IGFBPL1: variants seen among roughly 807,000 people sequenced by gnomAD.
The protein encoded by IGFBPL1 is insulin like growth factor binding protein like 1.
A neutral mutation model predicts 23.9 loss-of-function variants in IGFBPL1; 20 were observed. That is an observed-to-expected ratio of 0.84 (90% CI 0.59 to 1.22). The LOEUF (loss-of-function observed/expected upper bound fraction) is 1.22, where lower values mean the gene tolerates loss of function less well. Ranked by LOEUF, IGFBPL1 falls within the 50% of genes most tolerant of loss-of-function variation. The pLI, the probability that IGFBPL1 is intolerant of heterozygous loss-of-function variation, is 0.00. For missense variants in IGFBPL1, 436 were observed against 379.3 expected (o/e 1.15, Z -1.24); for synonymous variants, 184 against 171.8 (o/e 1.07, Z -0.56).
At chr9:38,423,566 T>TACTTCCCTTCCTCCCCCAACCTCA (rs1299280849) in intron 1 of IGFBPL1, among the ~76,000 whole-genome samples, 43 of 151,154 alleles carry the variant, frequency 2.8e-4, no homozygotes, top group African/African-American at 6.1e-4. Context: ...CCCTATCCTC[T>TACTTCCCTTCCTCCCCCAACCTCA]ACTTCCCTTC....
chr9:38,410,710 G>A (rs1297569731), intron 4 of IGFBPL1, among the ~76,000 whole-genome samples: 2 of 152,206 alleles, frequency 1.3e-5, no homozygotes, highest in African/African-American at 2.4e-5. Context: ...GTCTGTGGCT[G>A]TGAACCAGCA....
intron 1 of IGFBPL1, among the ~76,000 whole-genome samples, chr9:38,423,709 C>G (rs1212978936): frequency 6.6e-6 from 1 of 152,186 alleles, no homozygotes; most frequent in Non-Finnish European, 1.5e-5. Flanking sequence ...AAATAAGTGA[C>G]TGCATCAGCA....
chr9:38,416,999 C>A (rs988837578), intron 1 of IGFBPL1, among the ~76,000 whole-genome samples: 1 of 152,112 alleles, frequency 6.6e-6, no homozygotes, highest in Non-Finnish European at 1.5e-5. Flanking sequence ...TTAATTTTAA[C>A]ATATTTTAAC....
At chr9:38,422,527 T>C (rs1821694115) in intron 1 of IGFBPL1, among the ~76,000 whole-genome samples, 2 of 152,190 alleles carry the variant, frequency 1.3e-5, no homozygotes, top group African/African-American at 4.8e-5. Flanking sequence ...ACTGTTTAAG[T>C]GCCACAGGGC....
intron 1 of IGFBPL1, among the ~76,000 whole-genome samples, chr9:38,419,185 G>T (rs1821639541): frequency 6.6e-6 from 1 of 151,954 alleles, no homozygotes; most frequent in Non-Finnish European, 1.5e-5. Flanking sequence ...ATGGTGCTAG[G>T]GAAAGAAAGG....
intron 1 of IGFBPL1, among the ~76,000 whole-genome samples, chr9:38,423,064 C>A (rs1171675355): frequency 6.6e-6 from 1 of 152,174 alleles, no homozygotes; most frequent in Non-Finnish European, 1.5e-5. Context: ...CTGCCCACTC[C>A]AGGCAAAGTA....
intron 1 of IGFBPL1, among the ~76,000 whole-genome samples, chr9:38,423,502 T>TGA (rs1309668650): frequency 6.6e-6 from 1 of 152,086 alleles, no homozygotes; most frequent in Non-Finnish European, 1.5e-5. Context: ...TGGTGACTAC[T>TGA]GATTCCCCAG....
At chr9:38,412,830 G>A (rs909119937) in intron 3 of IGFBPL1, among the ~76,000 whole-genome samples, 2 of 152,034 alleles carry the variant, frequency 1.3e-5, no homozygotes, top group South Asian at 2.1e-4. Flanking sequence ...TCCTCACATC[G>A]AATCACTTCA....
intron 1 of IGFBPL1, among the ~76,000 whole-genome samples, chr9:38,418,021 A>G (rs1371468074): frequency 6.6e-6 from 1 of 152,192 alleles, no homozygotes; most frequent in Non-Finnish European, 1.5e-5. Flanking sequence ...GGCCTTTCTG[A>G]GGATATGGTC....
intron 4 of IGFBPL1, 51 bp downstream of exon 4, chr9:38,411,340 A>C (rs1008587550): frequency 1.3e-6 from 2 of 1,498,792 alleles, no homozygotes; most frequent in Non-Finnish European, 1.8e-6. Flanking sequence ...AGCCACCTCA[A>C]ATATCTCATA....
intron 4 of IGFBPL1, among the ~76,000 whole-genome samples, chr9:38,409,625 C>G (rs1290920446): frequency 6.6e-6 from 1 of 152,134 alleles, no homozygotes; most frequent in African/African-American, 2.4e-5. Context: ...AACCCAGAAT[C>G]ATTTCTGCCT....
chr9:38,419,102 G>A (rs552139015), intron 1 of IGFBPL1, among the ~76,000 whole-genome samples: 2 of 152,030 alleles, frequency 1.3e-5, no homozygotes, highest in African/African-American at 2.4e-5. Flanking sequence ...CCCCTACCTC[G>A]TCAATTATAT....
At chr9:38,416,590 A>C (rs1436802034) in intron 1 of IGFBPL1, among the ~76,000 whole-genome samples, 1 of 152,194 alleles carries the variant, frequency 6.6e-6, no homozygotes, top group East Asian at 1.9e-4. Context: ...ACAGTCATGT[A>C]ATTACCACTA....
At chr9:38,423,115 T>C (rs1232670433) in intron 1 of IGFBPL1, among the ~76,000 whole-genome samples, 1 of 152,194 alleles carries the variant, frequency 6.6e-6, no homozygotes, top group Non-Finnish European at 1.5e-5. Context: ...AATACACTCA[T>C]GCTTAGGAAG....
In IGFBPL1 at chr9:38,408,226, C is replaced by T. The variant is rs1021198748; in HGVS notation, c.*1001G>A. ...CATAGGAATTTGAGACCAGCCTGGG[C>T]GGCAACATAGGGAGACCCTGTCTCT... On this transcript the variant is annotated 3_prime_UTR_variant, in exon 5 of 5. Transcript: ENST00000377694. 1.1e-4 allele frequency among the ~76,000 whole-genome samples: 13 copies of T among 118,804 alleles called. No homozygotes were observed. The highest frequency in any genetic ancestry group is 4.8e-4 in the East Asian group (2 of 4,190). The allele number at this position is 118,804 out of a possible 152,430, so 77.9% of individuals were successfully genotyped here. A position where few individuals can be genotyped will look rare whatever the true frequency, so the allele number is the denominator to read the frequency against.
chr9:38,414,158 C>T lies in IGFBPL1; in HGVS notation c.506G>A (p.Gly169Glu). ...TTCACAGGACAGGCCCACCTGCGCC[C>T]CGGTGACGTTGTGAACACTTCGGGG... ...VPPRSVHNVT[G>E]AQVGLSCEVR... The change falls in exon 2 of 5, where the codon GGG becomes GAG. Residue 169 changes from glycine (G) to glutamate (E), a missense_variant. By Grantham distance (98) the Gly-to-Glu change is moderately conservative (BLOSUM62 -2). Transcript: ENST00000377694. 6.2e-7 allele frequency: 1 copy of T among 1,612,032 alleles called. No individual in the cohort carries two copies. The highest frequency in any genetic ancestry group is 8.5e-7 in the Non-Finnish European group (1 of 1,179,148).
chr9:38,420,761 C>CA (rs1821668161), intron 1 of IGFBPL1, among the ~76,000 whole-genome samples: 2 of 152,264 alleles, frequency 1.3e-5, no homozygotes, highest in African/African-American at 4.8e-5. Context: ...GGCGTGAACC[C>CA]AGGAGGTGGA....
chr9:38,413,077 T>G (rs901461075), intron 3 of IGFBPL1, among the ~76,000 whole-genome samples, 160 bp downstream of exon 3: 1 of 152,186 alleles, frequency 6.6e-6, no homozygotes, highest in Admixed American at 6.5e-5. Context: ...AACACGTATG[T>G]TCCCAGCAGA....
intron 1 of IGFBPL1, among the ~76,000 whole-genome samples, chr9:38,423,622 C>T (rs1468013509): frequency 6.6e-6 from 1 of 152,108 alleles, no homozygotes. Context: ...AACAATCCAC[C>T]TAGCGCTGGA....
Sources: gnomAD v4.1 joint callset for allele counts (sites outside exome capture counted in the v4.1 genomes callset) on GRCh38, gnomAD v4.1.1 for gene constraint, MANE v1.5 for transcripts, NCBI Gene and HGNC (gene_info 2026-07-23, HGNC 2026-07-21) for gene names.